Variants in BCL2L11 observed in about 807,000 individuals in gnomAD.
The protein encoded by BCL2L11 is bcl-2-like protein 11.
BCL2L11 carries 15 observed loss-of-function variants against 20.6 expected under a neutral mutation model. The observed-to-expected ratio is 0.73, with a 90% confidence interval of 0.49 to 1.12. The LOEUF (loss-of-function observed/expected upper bound fraction) is 1.12, where lower values mean the gene tolerates loss of function less well. Among genes scored for constraint, BCL2L11 ranks in the 50% most tolerant of loss-of-function variants. The pLI is 0.00. For synonymous variants in BCL2L11, 108 were observed against 92.8 expected, an observed-to-expected ratio of 1.16 and a Z score of -0.94; for missense variants, 292 against 260.9, an observed-to-expected ratio of 1.12 and a Z score of -0.82.
intron 2 of BCL2L11, among the ~76,000 whole-genome samples, chr2:111,149,278 A>T (rs1242210504): frequency 6.6e-6 from 1 of 152,192 alleles, no homozygotes; most frequent in Non-Finnish European, 1.5e-5. Flanking sequence ...TAGTAAACAG[A>T]TGAATGTACT....
chr2:111,140,694 C>G (rs1157966142), intron 2 of BCL2L11, among the ~76,000 whole-genome samples: 2 of 152,176 alleles, frequency 1.3e-5, no homozygotes, highest in African/African-American at 4.8e-5. Context: ...ATAGTGAATT[C>G]TGAATAGATA....
At chr2:111,124,559 G>T (rs2072092586) in intron 2 of BCL2L11, among the ~76,000 whole-genome samples, 1 of 152,154 alleles carries the variant, frequency 6.6e-6, no homozygotes, top group South Asian at 2.1e-4. Flanking sequence ...CAAAGTGCTG[G>T]GATTACAGGC....
rs1224284382 is a variant in BCL2L11 at position 111,130,148 on chromosome 2, A to C, written c.394+6009A>C. The C allele has an allele frequency of 2.4e-5, 9 of 369,238 alleles. No individual in the cohort carries two copies. The East Asian group carries it at 9.8e-4, about 40-fold the overall frequency. 22.9% of individuals were successfully genotyped at this position (369,238 alleles called of 1,614,324 possible). A position where few individuals can be genotyped will look rare whatever the true frequency, so the allele number is the denominator to read the frequency against. On this transcript the variant is annotated intron_variant, in intron 2 of 3. Coordinates refer to ENST00000393256, the MANE Select transcript of BCL2L11 (RefSeq NM_138621.5). ...TTGTGACAGTCTCACTCTGTCACCC[A>C]GGCTGGAGTGCACTGGTGCGATCTT...
At chr2:111,127,939 A>G (rs182071826) in intron 2 of BCL2L11, among the ~76,000 whole-genome samples, 105 of 152,276 alleles carry the variant, frequency 6.9e-4, no homozygotes, top group Non-Finnish European at 1.2e-3. Flanking sequence ...ATAAACTTGT[A>G]TTGCAGTTAA....
chr2:111,153,959 CCCAGG>C, intron 3 of BCL2L11: 1 of 1,440,546 alleles, frequency 6.9e-7, no homozygotes, highest in Non-Finnish European at 9.1e-7. Flanking sequence ...CAGTGTCATT[CCCAGG>C]TGAACCTGCC....
At chr2:111,125,979 A>G (rs141514321) in intron 2 of BCL2L11, among the ~76,000 whole-genome samples, 2 of 152,292 alleles carry the variant, frequency 1.3e-5, no homozygotes, top group African/African-American at 2.4e-5. Flanking sequence ...TATGGTGTGT[A>G]TCGTGAAACA....
chr2:111,156,254 G>A (rs1446791031), intron 3 of BCL2L11, among the ~76,000 whole-genome samples: 2 of 152,170 alleles, frequency 1.3e-5, no homozygotes, highest in African/African-American at 4.8e-5. Context: ...GAAAAGAGTC[G>A]TGGAAATCTG....
At chr2:111,142,938 T>G (rs1246811729) in intron 2 of BCL2L11, among the ~76,000 whole-genome samples, 1 of 152,168 alleles carries the variant, frequency 6.6e-6, no homozygotes, top group African/African-American at 2.4e-5. Flanking sequence ...GTATATAGAG[T>G]TTTATCTTTA....
intron 2 of BCL2L11, among the ~76,000 whole-genome samples, chr2:111,141,477 A>G (rs1039118032): frequency 1.4e-5 from 2 of 138,694 alleles, no homozygotes; most frequent in African/African-American, 5.4e-5. Flanking sequence ...GATCACATGG[A>G]CACAGGAAGG....
intron 2 of BCL2L11, among the ~76,000 whole-genome samples, chr2:111,148,252 A>G (rs954706164): frequency 1.3e-5 from 2 of 152,158 alleles, no homozygotes; most frequent in Non-Finnish European, 2.9e-5. Flanking sequence ...GCATATGGGT[A>G]GGCACACCTC....
At chr2:111,122,203 G>A (rs1398843360) in intron 1 of BCL2L11, among the ~76,000 whole-genome samples, 1 of 152,252 alleles carries the variant, frequency 6.6e-6, no homozygotes, top group East Asian at 1.9e-4. Flanking sequence ...CGGCCGTTAG[G>A]GTCTGCCCCC....
At chr2:111,162,054 G>A (rs1213905327) in intron 3 of BCL2L11, among the ~76,000 whole-genome samples, 1 of 152,182 alleles carries the variant, frequency 6.6e-6, no homozygotes, top group Non-Finnish European at 1.5e-5. Flanking sequence ...TTTTATGGCT[G>A]CAGGTATTAG....
Position 111,122,107 on chromosome 2 carries a change from C to T in BCL2L11, c.-14+919C>T, listed in dbSNP as rs58906028. The stretch of plus-strand genomic sequence containing the variant: ...CGTGCGCGTCCGCGGCCAGGGGTGG[C>T]TCTTCGGCTTTGACTCGTGTCTGCG... On this transcript the variant is annotated intron_variant, in intron 1 of 3. Transcript: ENST00000393256. Among the ~76,000 whole-genome samples the T allele has an allele frequency of 3.4e-3, 514 of 152,328 alleles. 4 individuals are homozygous for T. Among genetic ancestry groups the T allele is most frequent in the African/African-American group, 0.012 (488 of 41,568 alleles).
chr2:111,123,858 CAG>C lies in BCL2L11; in HGVS notation c.116_117del (p.Glu39AlafsTer4). On this transcript the variant is annotated frameshift_variant, in exon 2 of 4. Coordinates refer to ENST00000393256, the MANE Select transcript of BCL2L11 (RefSeq NM_138621.5). LOFTEE classifies it high-confidence loss of function. ...CCTGGGGCCCCTACCTCCCTACAGA[CAG>C]AGCCACAAGGTAATCCTGAAGGCAA... 6.3e-7 allele frequency: 1 copy of C among 1,593,196 alleles called. No individual in the cohort carries two copies. The highest frequency in any genetic ancestry group is 8.5e-7 in the Non-Finnish European group (1 of 1,169,708).
chr2:111,148,721 C>G (rs2076879151), intron 2 of BCL2L11, among the ~76,000 whole-genome samples: 1 of 152,174 alleles, frequency 6.6e-6, no homozygotes, highest in Non-Finnish European at 1.5e-5. Flanking sequence ...GTGTGTCCCT[C>G]TTACCCCACT....
intron 2 of BCL2L11, chr2:111,130,122 TTTG>T: frequency 2.5e-6 from 1 of 394,390 alleles, no homozygotes; most frequent in Non-Finnish European, 5.0e-6. Context: ...TTTTTTTTTT[TTTG>T]TGACAGTCTC....
chr2:111,126,118 C>T (rs1251119538), intron 2 of BCL2L11, among the ~76,000 whole-genome samples: 1 of 152,136 alleles, frequency 6.6e-6, no homozygotes, highest in Non-Finnish European at 1.5e-5. Context: ...ACATTGGTCT[C>T]TGTAGGTGAT....
intron 3 of BCL2L11, chr2:111,162,913 A>C (rs888032217): frequency 2.6e-5 from 4 of 152,266 alleles, no homozygotes; most frequent in African/African-American, 7.2e-5. Flanking sequence ...AATCAAAACA[A>C]AGCAATCTTG....
intron 3 of BCL2L11, chr2:111,151,950 C>T (rs901452085): frequency 4.3e-6 from 6 of 1,382,534 alleles, no homozygotes; most frequent in Admixed American, 2.0e-5. Context: ...TAACCATTCC[C>T]TCCAGTTCCT....
Sources: allele counts gnomAD v4.1 joint callset (sites outside exome capture counted in the v4.1 genomes callset), GRCh38; gene constraint gnomAD v4.1.1; transcripts MANE v1.5; gene names NCBI Gene and HGNC (gene_info 2026-07-23, HGNC 2026-07-21).